PPP2R1B: variants seen among roughly 807,000 people sequenced by gnomAD.
The protein encoded by PPP2R1B is serine/threonine-protein phosphatase 2A 65 kDa regulatory subunit A beta isoform.
A neutral mutation model predicts 72.7 loss-of-function variants in PPP2R1B; 58 were observed. The observed-to-expected ratio is 0.80, with a 90% CI of 0.65 to 0.99. The LOEUF is 0.99. Ranked by LOEUF, PPP2R1B falls within the 50% of genes least tolerant of loss-of-function variation. The probability of loss-of-function intolerance (pLI) is 0.00; values close to 1 mark genes in which losing one functional copy is unlikely to be tolerated. For synonymous variants in PPP2R1B, 256 were observed against 264.6 expected (o/e 0.97, Z 0.32); for missense variants, 695 against 733.6 (o/e 0.95, Z 0.61).
the PPP2R1B span, among the ~76,000 whole-genome samples, chr11:111,702,638 G>A: frequency 1.3e-5 from 2 of 152,174 alleles, no homozygotes; most frequent in South Asian, 4.1e-4. Flanking sequence ...TATAGTGACA[G>A]GAGGTTACCT....
the PPP2R1B span, among the ~76,000 whole-genome samples, chr11:111,706,675 G>A: frequency 6.6e-6 from 1 of 152,064 alleles, no homozygotes; most frequent in African/African-American, 2.4e-5. Context: ...TAAAATAAGA[G>A]TATTGGCTGG....
chr11:111,759,629 T>C (rs1945252058), intron 5 of PPP2R1B, among the ~76,000 whole-genome samples, 175 bp downstream of exon 5: 2 of 152,188 alleles, frequency 1.3e-5, no homozygotes, highest in Non-Finnish European at 1.5e-5. Context: ...ATGGTCTGGT[T>C]AAGAAAGAAA....
At chr11:111,728,095 G>A (rs1271885560) in intron 15 of PPP2R1B, 1 of 152,062 alleles carries the variant, frequency 6.6e-6, no homozygotes, top group Non-Finnish European at 1.5e-5. Context: ...GCTGACACCG[G>A]TGCCAGGGCT....
chr11:111,744,964 A>G (rs1028439185), intron 11 of PPP2R1B, among the ~76,000 whole-genome samples: 1 of 151,772 alleles, frequency 6.6e-6, no homozygotes, highest in Non-Finnish European at 1.5e-5. Flanking sequence ...CTTCATATCC[A>G]TAGTCTTTGT....
At chr11:111,710,035 C>G in the PPP2R1B span, among the ~76,000 whole-genome samples, 1 of 152,186 alleles carries the variant, frequency 6.6e-6, no homozygotes, top group African/African-American at 2.4e-5. Context: ...AGACTACCTT[C>G]ATAGAGAAGG....
chr11:111,711,107 TTC>T, the PPP2R1B span, among the ~76,000 whole-genome samples: 13 of 151,998 alleles, frequency 8.6e-5, no homozygotes, highest in Non-Finnish European at 1.6e-4. Context: ...TAAGGAAAAA[TTC>T]TCTTTTAAAT....
At chr11:111,748,217 G>A (rs1340394070) in intron 10 of PPP2R1B, among the ~76,000 whole-genome samples, 8 of 152,178 alleles carry the variant, frequency 5.3e-5, no homozygotes, top group African/African-American at 1.4e-4. Flanking sequence ...AAAAGCATAC[G>A]TGAGCTGGCA....
At chr11:111,727,377 G>T (rs1944007793) in intron 15 of PPP2R1B, 1 of 394,230 alleles carries the variant, frequency 2.5e-6, no homozygotes, top group East Asian at 4.3e-5. Context: ...CAGATATCAA[G>T]AACTCCCAAG....
the PPP2R1B span, among the ~76,000 whole-genome samples, chr11:111,703,992 T>C: frequency 6.6e-6 from 1 of 152,220 alleles, no homozygotes; most frequent in Non-Finnish European, 1.5e-5. Flanking sequence ...AGGATATACG[T>C]ATTTCTAATA....
chr11:111,709,521 CAT>C, the PPP2R1B span, among the ~76,000 whole-genome samples: 4 of 152,344 alleles, frequency 2.6e-5, no homozygotes, highest in Non-Finnish European at 4.4e-5. Flanking sequence ...AAGCACTAAA[CAT>C]GTGGTCTAAA....
At chr11:111,753,292 T>C (rs1944979883) in intron 9 of PPP2R1B, 151 bp downstream of exon 9, 3 of 1,063,788 alleles carry the variant, frequency 2.8e-6, no homozygotes, top group Non-Finnish European at 4.0e-6. Flanking sequence ...TATAACCCCA[T>C]ACCCAAAATC....
intron 1 of PPP2R1B, chr11:111,766,032 A>G (rs890270712): frequency 6.8e-6 from 4 of 591,616 alleles, no homozygotes; most frequent in Admixed American, 5.2e-5. Context: ...CGGACGCCTC[A>G]GGGGGTCCGA....
At chr11:111,712,883 G>A in the PPP2R1B span, among the ~76,000 whole-genome samples, 207 of 152,238 alleles carry the variant, frequency 1.4e-3, 1 homozygote, top group Admixed American at 3.0e-3. Flanking sequence ...TAATGTGCTG[G>A]GCCAGGCACA....
At chr11:111,722,297 T>C (rs1490474193), downstream of PPP2R1B, among the ~76,000 whole-genome samples, 1 of 152,200 alleles carries the variant, frequency 6.6e-6, no homozygotes, top group Non-Finnish European at 1.5e-5. The surrounding 1 kb of genome is among the most constrained non-coding windows in gnomAD (Gnocchi z 4.4). Context: ...TGTTGGTGCA[T>C]AAAAATCTTA....
chr11:111,742,280 A>G, intron 13 of PPP2R1B, 136 bp from the exon 14 acceptor site: 1 of 814,678 alleles, frequency 1.2e-6, no homozygotes, highest in Non-Finnish European at 1.9e-6. Flanking sequence ...CAAATACACA[A>G]AATAATGTCT....
At chr11:111,752,925 T>C (rs1338648732) in intron 9 of PPP2R1B, among the ~76,000 whole-genome samples, 2 of 152,140 alleles carry the variant, frequency 1.3e-5, no homozygotes, top group Non-Finnish European at 2.9e-5. Context: ...ATTGCGCCAC[T>C]GCACTCCAGC....
At chr11:111,763,852 C>CTT (rs1322401359) in intron 3 of PPP2R1B, among the ~76,000 whole-genome samples, 150 of 146,556 alleles carry the variant, frequency 1.0e-3, no homozygotes, top group Non-Finnish European at 2.0e-3. Flanking sequence ...AAAAAACTCT[C>CTT]TCTCTCTCTC....
intron 11 of PPP2R1B, among the ~76,000 whole-genome samples, chr11:111,746,476 G>GCAC (rs1359499865): frequency 5.3e-5 from 8 of 152,130 alleles, no homozygotes; most frequent in African/African-American, 1.9e-4. Context: ...GCCTATCAGG[G>GCAC]GGTGAGGGGC....
In PPP2R1B at chr11:111,740,552, A is replaced by G. The variant is rs1371577590; in HGVS notation, c.*1044T>C. ...ATTAATTTGCTTCAGTAAACTCTTC[A>G]GCTTAACTCATTATCTTAAATTTCA... is the stretch of plus-strand genomic sequence containing the variant. On this transcript the variant is annotated 3_prime_UTR_variant, in exon 15 of 15. Transcript: ENST00000527614. 1.0e-6 allele frequency: 1 copy of G among 984,788 alleles called. No individual in the cohort carries two copies. The highest frequency in any genetic ancestry group is 1.2e-6 in the Non-Finnish European group (1 of 829,464). The allele number at this position is 984,788 out of a possible 1,614,324, so 61.0% of individuals were successfully genotyped here. A position where few individuals can be genotyped will look rare whatever the true frequency, so the allele number is the denominator to read the frequency against.
Sources: allele counts gnomAD v4.1 joint callset (sites outside exome capture counted in the v4.1 genomes callset), GRCh38; gene constraint gnomAD v4.1.1; non-coding constraint Gnocchi (gnomAD v3.1); transcripts MANE v1.5; gene names NCBI Gene and HGNC (gene_info 2026-07-23, HGNC 2026-07-21).